PAK1: variants seen among roughly 807,000 people sequenced by gnomAD.
The protein encoded by PAK1 is p21 (RAC1) activated kinase 1.
In PAK1, 29 loss-of-function variants were observed where a neutral mutation model predicts 67.4. That is an observed-to-expected ratio of 0.43 (90% CI 0.32 to 0.59). PAK1 has a LOEUF of 0.59. Among genes scored for constraint, PAK1 ranks in the 20% least tolerant of loss-of-function variants. PAK1 has a pLI of 0.07. For missense variants in PAK1, 337 were observed against 670.7 expected, an observed-to-expected ratio of 0.50 and a Z score of 5.50; for synonymous variants, 223 against 237.4, an observed-to-expected ratio of 0.94 and a Z score of 0.56.
chr11:77,453,233 A>G (rs1394766978), intron 1 of PAK1, among the ~76,000 whole-genome samples: 2 of 152,164 alleles, frequency 1.3e-5, no homozygotes, highest in East Asian at 3.8e-4. Flanking sequence ...GCACGCCTAT[A>G]GTCCCAGCTA....
chr11:77,483,128 C>T, the PAK1 span, among the ~76,000 whole-genome samples: 4 of 148,998 alleles, frequency 2.7e-5, no homozygotes, highest in South Asian at 4.3e-4. Context: ...ACCTAAGAGG[C>T]GGAGGTTGCA....
the PAK1 span, among the ~76,000 whole-genome samples, chr11:77,493,194 C>T: frequency 0.086 from 12,977 of 151,580 alleles, 1,137 homozygotes; most frequent in African/African-American, 0.2. Flanking sequence ...AAACTCCTGG[C>T]CTCAAATGAT....
the PAK1 span, among the ~76,000 whole-genome samples, chr11:77,503,410 G>A: frequency 6.6e-6 from 1 of 152,272 alleles, no homozygotes; most frequent in African/African-American, 2.4e-5. Flanking sequence ...CCCTGGATGG[G>A]TTGGTGGCGG....
At position 77,455,506 on chromosome 11, in the gene PAK1, C is replaced by T. The variant is rs190492480; in HGVS notation, c.-22+18046G>A. Among the ~76,000 whole-genome samples, 1,050 of 152,266 alleles carry T rather than the reference C, an allele frequency of 6.9e-3. 8 individuals carry two copies. The highest frequency in any genetic ancestry group is 0.011 in the Non-Finnish European group (746 of 68,016). ...CAACTGTAGCAACAGGTTCCTGATT[C>T]TGGCAAAGAGCAGCATCCTTGGGGA... On this transcript the variant is annotated intron_variant, in intron 1 of 14. Coordinates refer to ENST00000356341, the MANE Select transcript of PAK1 (RefSeq NM_002576.5).
At chr11:77,513,909 T>C in the PAK1 span, among the ~76,000 whole-genome samples, 3 of 152,200 alleles carry the variant, frequency 2.0e-5, no homozygotes, top group African/African-American at 7.2e-5. Flanking sequence ...GTATTTATTA[T>C]GTGCCAAGTA....
At chr11:77,420,317 T>C (rs951122233) in intron 1 of PAK1, among the ~76,000 whole-genome samples, 1 of 152,220 alleles carries the variant, frequency 6.6e-6, no homozygotes, top group African/African-American at 2.4e-5. Flanking sequence ...CACCACTTAT[T>C]GAACATATTC....
chr11:77,359,061 T>C (rs1330223040), intron 5 of PAK1, 44 bp from the exon 6 acceptor site: 5 of 1,589,520 alleles, frequency 3.1e-6, no homozygotes, highest in African/African-American at 2.7e-5. Flanking sequence ...CCAGCTGCCA[T>C]GGAACTTAAC....
chr11:77,463,199 G>A (rs781274854), intron 1 of PAK1, among the ~76,000 whole-genome samples: 1 of 152,028 alleles, frequency 6.6e-6, no homozygotes, highest in Admixed American at 6.5e-5. Flanking sequence ...GTTTACGGGT[G>A]TACTGATATC....
intron 1 of PAK1, among the ~76,000 whole-genome samples, chr11:77,415,088 A>C (rs527537792): frequency 6.6e-6 from 1 of 152,356 alleles, no homozygotes; most frequent in African/African-American, 2.4e-5. Flanking sequence ...ACACTTCACC[A>C]AGGAAGATAT....
rs570493430 is a variant in PAK1, at chr11:77,330,968, G to A, written c.1551+1762C>T. On this transcript the variant is annotated intron_variant, in intron 14 of 14. Coordinates refer to ENST00000356341, the MANE Select transcript of PAK1 (RefSeq NM_002576.5). ...AAAACAAACAACCCCATCAAAAAGT[G>A]GGCGAAGGATATGAACAGACACTTC... 3.9e-5 allele frequency among the ~76,000 whole-genome samples: 6 copies of A among 152,208 alleles called. No homozygotes were observed. In the South Asian group the frequency reaches 1.0e-3, roughly 26 times the overall value.
At chr11:77,374,116 A>T (rs928564108) in intron 5 of PAK1, among the ~76,000 whole-genome samples, 1 of 152,244 alleles carries the variant, frequency 6.6e-6, no homozygotes, top group African/African-American at 2.4e-5. Context: ...AAAAATTATC[A>T]CAAAGAAAGA....
At chr11:77,479,084 CAA>C (rs757138155), upstream of PAK1, among the ~76,000 whole-genome samples, 24 of 88,668 alleles carry the variant, frequency 2.7e-4, no homozygotes, top group Admixed American at 6.2e-4. Flanking sequence ...GACTCCGTCT[CAA>C]AAAAAAAAAA....
chr11:77,504,572 A>G, the PAK1 span, among the ~76,000 whole-genome samples: 1 of 152,366 alleles, frequency 6.6e-6, no homozygotes, highest in African/African-American at 2.4e-5. Flanking sequence ...GGAATCTGAA[A>G]TCATATCAAT....
At chr11:77,431,536 G>A (rs1038610870) in intron 1 of PAK1, among the ~76,000 whole-genome samples, 11 of 152,228 alleles carry the variant, frequency 7.2e-5, no homozygotes, top group South Asian at 4.1e-4. Flanking sequence ...TTTCTTAAGA[G>A]TTACCCCTTT....
At chr11:77,414,862 A>C (rs546026949) in intron 1 of PAK1, among the ~76,000 whole-genome samples, 1 of 152,354 alleles carries the variant, frequency 6.6e-6, no homozygotes, top group Non-Finnish European at 1.5e-5. Flanking sequence ...TACAGCCCCA[A>C]AAGCAAGATC....
At chr11:77,409,330 G>C (rs1397788949) in intron 1 of PAK1, among the ~76,000 whole-genome samples, 1 of 152,060 alleles carries the variant, frequency 6.6e-6, no homozygotes, top group African/African-American at 2.4e-5. Flanking sequence ...GGGAGAAAGA[G>C]GAACCCTCAT....
chr11:77,349,156 T>C, intron 9 of PAK1, 83 bp downstream of exon 9: 1 of 932,906 alleles, frequency 1.1e-6, no homozygotes, highest in Non-Finnish European at 1.7e-6. Flanking sequence ...GAACTGTTCC[T>C]GTTGACCTAA....
At chr11:77,489,400 T>C in the PAK1 span, among the ~76,000 whole-genome samples, 1 of 150,384 alleles carries the variant, frequency 6.6e-6, no homozygotes, top group African/African-American at 2.5e-5. Flanking sequence ...CTCTCTCCTC[T>C]CTCCTCTCTC....
chr11:77,462,495 A>G (rs1464402245), intron 1 of PAK1, among the ~76,000 whole-genome samples: 1 of 150,376 alleles, frequency 6.6e-6, no homozygotes, highest in Non-Finnish European at 1.5e-5. Flanking sequence ...TTTTTTTTTT[A>G]TGTTCTTTGA....
Sources: allele counts gnomAD v4.1 joint callset (sites outside exome capture counted in the v4.1 genomes callset), GRCh38; gene constraint gnomAD v4.1.1; transcripts MANE v1.5; gene names NCBI Gene and HGNC (gene_info 2026-07-23, HGNC 2026-07-21).